Variants in TMEM232 observed in about 807,000 individuals in gnomAD.
TMEM232 encodes transmembrane protein 232.
TMEM232 carries 80 observed loss-of-function variants against 78.8 expected under a neutral mutation model. The ratio of observed to expected loss-of-function variants is 1.01; its 90% CI spans 0.85 to 1.22. TMEM232 has a LOEUF of 1.22. Among genes scored for constraint, TMEM232 ranks in the 50% most tolerant of loss-of-function variants. The pLI is 0.00. For missense variants in TMEM232, 881 were observed against 742.2 expected (o/e 1.19, Z -2.17); for synonymous variants, 297 against 254.3 (o/e 1.17, Z -1.60).
Position 110,638,176 on chromosome 5 carries a change from TAAG to T in TMEM232, c.501+19_501+21del, listed in dbSNP as rs1371791688. 2 of 1,511,780 alleles carry T rather than the reference TAAG, an allele frequency of 1.3e-6. No homozygotes were observed. 93.6% of individuals were successfully genotyped at this position (1,511,780 alleles called of 1,614,324 possible). A position where few individuals can be genotyped will look rare whatever the true frequency, so the allele number is the denominator to read the frequency against. On this transcript the variant is annotated intron_variant, in intron 5 of 13. Coordinates refer to ENST00000455884, the MANE Select transcript of TMEM232 (RefSeq NM_001039763.4). ...TAGTATGTGAAATATTTAAAAACAT[TAAG>T]AAGTTTTTCAAAACATACCTTTGCT...
intron 11 of TMEM232, among the ~76,000 whole-genome samples, chr5:110,550,731 A>G (rs1321854813): frequency 4.6e-5 from 7 of 151,964 alleles, no homozygotes; most frequent in Non-Finnish European, 7.4e-5. Context: ...TGAATTACCT[A>G]TTATATATTA....
chr5:110,676,811 T>C (rs1331272341), intron 1 of TMEM232, among the ~76,000 whole-genome samples: 1 of 151,566 alleles, frequency 6.6e-6, no homozygotes, highest in East Asian at 1.9e-4. Context: ...CAGGCTGGAG[T>C]GCAGTGGAGC....
chr5:110,561,682 G>C (rs757272823), intron 11 of TMEM232, among the ~76,000 whole-genome samples: 2 of 151,986 alleles, frequency 1.3e-5, no homozygotes, highest in East Asian at 1.9e-4. Flanking sequence ...TAGTTCCCCA[G>C]GTCAGCAATT....
At chr5:110,720,489 C>G (rs1797485363) in intron 1 of TMEM232, 1 of 152,180 alleles carries the variant, frequency 6.6e-6, no homozygotes, top group Middle Eastern at 3.4e-3. Context: ...GAGGGAGTCC[C>G]ATCATCTTGG....
intron 5 of TMEM232, among the ~76,000 whole-genome samples, chr5:110,631,641 C>A (rs1406457279): frequency 6.6e-6 from 1 of 152,204 alleles, no homozygotes; most frequent in African/African-American, 2.4e-5. Context: ...AGAATGACTA[C>A]CATGATCAAG....
chr5:110,615,616 C>T (rs1476138598), intron 8 of TMEM232, among the ~76,000 whole-genome samples: 1 of 151,672 alleles, frequency 6.6e-6, no homozygotes, highest in Non-Finnish European at 1.5e-5. Flanking sequence ...TAACATAATA[C>T]TAAAAGGCCT....
At chr5:110,657,197 T>A (rs1789193453) in intron 2 of TMEM232, among the ~76,000 whole-genome samples, 1 of 152,136 alleles carries the variant, frequency 6.6e-6, no homozygotes, top group Admixed American at 6.5e-5. Flanking sequence ...TGGAGGTTCC[T>A]CAAAAAACTA....
At chr5:110,638,041 T>C (rs1323612879) in intron 5 of TMEM232, among the ~76,000 whole-genome samples, 157 bp downstream of exon 5, 2 of 152,104 alleles carry the variant, frequency 1.3e-5, no homozygotes, top group Non-Finnish European at 2.9e-5. Flanking sequence ...TAAGCAATAA[T>C]AACGTACTAC....
At chr5:110,596,462 T>C (rs1488335548) in intron 10 of TMEM232, among the ~76,000 whole-genome samples, 1 of 152,208 alleles carries the variant, frequency 6.6e-6, no homozygotes, top group Non-Finnish European at 1.5e-5. Flanking sequence ...CCATTCCTTC[T>C]GAAACTATTC....
At chr5:110,630,084 G>C (rs887201959) in intron 5 of TMEM232, among the ~76,000 whole-genome samples, 1 of 152,114 alleles carries the variant, frequency 6.6e-6, no homozygotes, top group Non-Finnish European at 1.5e-5. Flanking sequence ...TAGTCTTTCA[G>C]ATATGTAATG....
At chr5:110,561,790 A>G (rs1251746116) in intron 11 of TMEM232, among the ~76,000 whole-genome samples, 1 of 151,940 alleles carries the variant, frequency 6.6e-6, no homozygotes, top group African/African-American at 2.4e-5. Context: ...CTTGGGAGTA[A>G]ATCAGTTAAA....
chr5:110,404,052 ACTC>A (rs932630600), intron 2 of TMEM232, among the ~76,000 whole-genome samples: 1 of 151,300 alleles, frequency 6.6e-6, no homozygotes, highest in African/African-American at 2.4e-5. Context: ...TTCTCTCTTC[ACTC>A]CTCTTTAATA....
intron 1 of TMEM232, among the ~76,000 whole-genome samples, chr5:110,714,427 G>A (rs1796818941): frequency 6.6e-6 from 1 of 152,126 alleles, no homozygotes; most frequent in Admixed American, 6.6e-5. Flanking sequence ...CCTATTTTCT[G>A]TGTAATAGAA....
intron 2 of TMEM232, among the ~76,000 whole-genome samples, chr5:110,406,265 TACACAC>T (rs70999966): frequency 0.12 from 17,837 of 143,670 alleles, 1,725 homozygotes; most frequent in African/African-American, 0.27. Flanking sequence ...CAGATATATA[TACACAC>T]ACACACACAC....
At chr5:110,648,766 T>C (rs1297444848) in intron 2 of TMEM232, among the ~76,000 whole-genome samples, 1 of 152,092 alleles carries the variant, frequency 6.6e-6, no homozygotes, top group Admixed American at 6.6e-5. Context: ...AGGAGAATCT[T>C]TGGGCTCTCC....
At chr5:110,424,785 A>T in intron 13 of TMEM232, 38 bp downstream of exon 13, 3 of 1,458,844 alleles carry the variant, frequency 2.1e-6, no homozygotes, top group Non-Finnish European at 2.8e-6. Flanking sequence ...TTTAAGGAAC[A>T]AAGCTTTTGC....
intron 10 of TMEM232, among the ~76,000 whole-genome samples, chr5:110,595,809 C>G (rs1780088315): frequency 6.6e-6 from 1 of 152,054 alleles, no homozygotes; most frequent in Non-Finnish European, 1.5e-5. Flanking sequence ...ATTAGTGTAC[C>G]TGAAAGTGAT....
intron 12 of TMEM232, among the ~76,000 whole-genome samples, chr5:110,512,673 C>T (rs971482712): frequency 6.6e-6 from 1 of 152,128 alleles, no homozygotes; most frequent in Non-Finnish European, 1.5e-5. Context: ...GCAGTTAATG[C>T]ATGTTTATTA....
chr5:110,735,469 T>C (rs1799062109), intron 1 of TMEM232, among the ~76,000 whole-genome samples: 1 of 152,246 alleles, frequency 6.6e-6, no homozygotes, highest in Non-Finnish European at 1.5e-5. Context: ...ATATTTGGGC[T>C]AAAAATTTCC....
Sources: gnomAD v4.1 joint callset for allele counts (sites outside exome capture counted in the v4.1 genomes callset) on GRCh38, gnomAD v4.1.1 for gene constraint, MANE v1.5 for transcripts, NCBI Gene and HGNC (gene_info 2026-07-23, HGNC 2026-07-21) for gene names.